DDX52: variants seen among roughly 807,000 people sequenced by gnomAD.
The protein encoded by DDX52 is probable ATP-dependent RNA helicase DDX52.
A neutral mutation model predicts 76.1 loss-of-function variants in DDX52; 59 were observed. The observed-to-expected ratio is 0.78, with a 90% confidence interval of 0.63 to 0.96. The LOEUF is 0.96. Among genes scored for constraint, DDX52 ranks in the 40% least tolerant of loss-of-function variants. The pLI is 0.00. For synonymous variants in DDX52, 231 were observed against 244.1 expected (o/e 0.95, Z 0.50); for missense variants, 707 against 703.9 (o/e 1.00, Z -0.05).
rs762922311 is a variant in DDX52, at chr17:37,643,432, A to G, written c.-12T>C. The G allele has an allele frequency of 3.1e-6, 5 of 1,613,474 alleles. No homozygotes were observed. Among genetic ancestry groups the G allele is most frequent in the Non-Finnish European group, 4.2e-6 (5 of 1,179,762 alleles). On this transcript the variant is annotated 5_prime_UTR_variant, in exon 1 of 15. Coordinates refer to ENST00000617633, the MANE Select transcript of DDX52 (RefSeq NM_007010.5). ...TCGTGGACGTCCATCTTTACCCAGA[A>G]AGCGCCACAGTTCTACGGCGCCTGC...
At chr17:37,642,008 T>C in intron 2 of DDX52, 102 bp downstream of exon 2, 1 of 1,438,620 alleles carries the variant, frequency 7.0e-7, no homozygotes, top group Non-Finnish European at 9.5e-7. Flanking sequence ...TGCCATCAGC[T>C]GACAAATGAC....
chr17:37,619,668 T>C, intron 13 of DDX52, 100 bp downstream of exon 13: 1 of 1,018,494 alleles, frequency 9.8e-7, no homozygotes. Flanking sequence ...GCTGTGATCA[T>C]GCCACTGCAC....
chr17:37,624,956 T>C (rs186186214), intron 8 of DDX52, among the ~76,000 whole-genome samples: 17 of 152,266 alleles, frequency 1.1e-4, no homozygotes, highest in Admixed American at 6.5e-4. Context: ...TATTTAAATA[T>C]GTTTAATTTC....
chr17:37,630,113 G>A lies in DDX52; in HGVS notation c.664C>T (p.Pro222Ser), dbSNP rs1335278865. The A allele has an allele frequency of 3.1e-6, 5 of 1,613,958 alleles. No individual in the cohort carries two copies. In the East Asian group the frequency reaches 8.9e-5, roughly 29 times the overall value. ...GSGKTLAFSI[P>S]ILMQLKQPAN... ...GGTTGTTTCAGCTGCATTAAAATAG[G>A]AATGCTAAAAGCTAATGTTTTTCCA... The change falls in exon 5 of 15, where the codon CCT (proline) becomes TCT (serine). Residue 222 changes from proline to serine, a missense_variant. Coordinates refer to ENST00000617633, the MANE Select transcript of DDX52 (RefSeq NM_007010.5).
Position 37,626,804 on chromosome 17 carries a change from C to CG in DDX52, c.915dup (p.Gly306ArgfsTer8), listed in dbSNP as rs2030401418. ...CATCTATACCTTGCTAGGTCGATTC[C>CG]GGGGGGATCTTGCTTTAATAAATAG... On this transcript the variant is annotated frameshift_variant, in exon 7 of 15. Transcript: ENST00000617633. LOFTEE classifies it high-confidence loss of function. 2.5e-6 allele frequency: 4 copies of CG among 1,611,110 alleles called. No individual in the cohort carries two copies. The highest frequency in any genetic ancestry group is 2.5e-6 in the Non-Finnish European group (3 of 1,178,990).
Position 37,643,282 on chromosome 17 carries a change from G to C in DDX52, c.87+52C>G, listed in dbSNP as rs2031285364. 3 of 1,563,144 alleles carry C rather than the reference G, an allele frequency of 1.9e-6. No homozygotes were observed. In the South Asian group the frequency reaches 3.4e-5, roughly 18 times the overall value. On this transcript the variant is annotated intron_variant, in intron 1 of 14. Transcript: ENST00000617633. ...CTCCCCCAGCAGCGGGTTCATTCCC[G>C]GGCTCCTGCTCCTTCTCAGTTACTC...
In DDX52 at chr17:37,619,049, T is replaced by C. The variant is rs76518960; in HGVS notation, c.1650-665A>G. On this transcript the variant is annotated intron_variant, in intron 13 of 14. Transcript: ENST00000617633. ...AATAATTCTCAGCATATTTTACTTA[T>C]ACTGAATACTTTTAAAAGAATCTGA... Among the ~76,000 whole-genome samples, 975 of 152,362 alleles carry C rather than the reference T, an allele frequency of 6.4e-3. 9 individuals carry two copies. The highest frequency in any genetic ancestry group is 0.037 in the Middle Eastern group (11 of 294).
intron 8 of DDX52, 56 bp from the exon 9 acceptor site, chr17:37,624,490 G>A: frequency 1.4e-6 from 2 of 1,384,234 alleles, no homozygotes; most frequent in Non-Finnish European, 9.8e-7. Context: ...TTTTTCCCCT[G>A]AACTCTAAAT....
chr17:37,640,753 C>T (rs1321723360), intron 2 of DDX52, among the ~76,000 whole-genome samples: 5 of 148,002 alleles, frequency 3.4e-5, no homozygotes, highest in African/African-American at 5.0e-5. Context: ...TTTGGGAGGT[C>T]GAGGCGGGCA....
chr17:37,632,053 G>A (rs1410940910), intron 4 of DDX52, 60 bp downstream of exon 4: 4 of 1,603,342 alleles, frequency 2.5e-6, no homozygotes, highest in Non-Finnish European at 3.4e-6. Context: ...AGAGAGGGAA[G>A]AGAATGAGCA....
In DDX52 at chr17:37,614,089, C is replaced by A; in HGVS notation, c.*207G>T. 1 of 529,598 alleles carries A rather than the reference C, an allele frequency of 1.9e-6. No homozygotes were observed. Among genetic ancestry groups the A allele is most frequent in the Non-Finnish European group, 3.2e-6 (1 of 308,732 alleles). The allele number at this position is 529,598 out of a possible 1,614,324, so 32.8% of individuals were successfully genotyped here. On this transcript the variant is annotated 3_prime_UTR_variant, in exon 15 of 15. Coordinates refer to ENST00000617633, the MANE Select transcript of DDX52 (RefSeq NM_007010.5). ...ACCAGCCTGGACAACATGGCAAGAC[C>A]CTCATCTCTACAGGAAAAAAAAAAG...
chr17:37,642,120 C>A lies in DDX52; in HGVS notation c.276G>T (p.Thr92=). 1.2e-6 allele frequency: 2 copies of A among 1,613,116 alleles called. No homozygotes were observed. ...AAATCAAACACTAACCTGAAGTCAT[C>A]GTCTTCCTTTTTTTCTTGCTCTGCT... ...KREQSKKKRK[T]MTSEIASQEE... The change falls in exon 2 of 15, where the codon ACG becomes ACT. Residue 92 remains threonine, a synonymous_variant. Transcript: ENST00000617633.
intron 8 of DDX52, among the ~76,000 whole-genome samples, chr17:37,625,465 T>A (rs1418924802): frequency 1.3e-5 from 2 of 152,182 alleles, no homozygotes; most frequent in Admixed American, 1.3e-4. Context: ...GTATCATAAT[T>A]TCTTTAAACT....
intron 8 of DDX52, among the ~76,000 whole-genome samples, chr17:37,624,752 A>C (rs1190332945): frequency 6.6e-6 from 1 of 152,080 alleles, no homozygotes; most frequent in African/African-American, 2.4e-5. Flanking sequence ...AATATTTTTA[A>C]GGTTGTTATT....
chr17:37,626,878 G>C lies in DDX52; in HGVS notation c.860-18C>G, dbSNP rs376356085. ...AAGAATATCTATAGGAAAAACAAAT[G>C]GTAGAAATTGCAAAAACAGGATTTA... On this transcript the variant is annotated intron_variant, in intron 6 of 14. Transcript: ENST00000617633. 1 of 1,597,518 alleles carries C rather than the reference G, an allele frequency of 6.3e-7. No homozygotes were observed. Among genetic ancestry groups the C allele is most frequent in the Non-Finnish European group, 8.5e-7 (1 of 1,172,484 alleles).
rs1403646081 is a variant in DDX52 at position 37,609,888 on chromosome 17, A to T, written c.*4408T>A. 6.6e-6 allele frequency: 1 copy of T among 152,424 alleles called. No individual in the cohort carries two copies. The highest frequency in any genetic ancestry group is 1.5e-5 in the Non-Finnish European group (1 of 68,220). The allele number at this position is 152,424 out of a possible 1,614,324, so 9.4% of individuals were successfully genotyped here. A position where few individuals can be genotyped will look rare whatever the true frequency, so the allele number is the denominator to read the frequency against. Reference sequence around the variant, plus strand: ...TCTTTCTCTGGAACTCGGTAGCTTCATGTTGGCACCTATCACAGACGCTGA... The same window carrying T: ...TCTTTCTCTGGAACTCGGTAGCTTCTTGTTGGCACCTATCACAGACGCTGA... On this transcript the variant is annotated 3_prime_UTR_variant, in exon 15 of 15. Transcript: ENST00000617633.
At chr17:37,614,411 A>C (rs2064401737) in intron 14 of DDX52, 58 bp from the exon 15 acceptor site, 1 of 1,526,688 alleles carries the variant, frequency 6.6e-7, no homozygotes, top group Admixed American at 1.9e-5. Flanking sequence ...TTTACTTTCC[A>C]TAACCCTACC....
At chr17:37,632,975 C>G (rs373936865) in intron 3 of DDX52, among the ~76,000 whole-genome samples, 18 of 152,236 alleles carry the variant, frequency 1.2e-4, no homozygotes, top group African/African-American at 4.3e-4. Context: ...GAAAGGGAGC[C>G]AAATTTTGTT....
chr17:37,633,238 C>T, intron 3 of DDX52, 50 bp downstream of exon 3: 1 of 1,528,996 alleles, frequency 6.5e-7, no homozygotes. Context: ...GCGAATAAGT[C>T]ACTAGGTCAG....
Sources: gnomAD v4.1 joint callset for allele counts (sites outside exome capture counted in the v4.1 genomes callset) on GRCh38, gnomAD v4.1.1 for gene constraint, MANE v1.5 for transcripts, NCBI Gene and HGNC (gene_info 2026-07-23, HGNC 2026-07-21) for gene names.